Variants in SPTSSB observed in about 807,000 individuals in gnomAD.
SPTSSB encodes serine palmitoyltransferase small subunit B.
SPTSSB carries 6 observed loss-of-function variants against 7.7 expected under a neutral mutation model. The ratio of observed to expected loss-of-function variants is 0.78; its 90% CI spans 0.43 to 1.54. The LOEUF (loss-of-function observed/expected upper bound fraction) is 1.54. SPTSSB is among the 40% of genes most tolerant of loss of function. The pLI, the probability that SPTSSB is intolerant of heterozygous loss-of-function variation, is 0.01. For missense variants in SPTSSB, 91 were observed against 93.0 expected (o/e 0.98, Z 0.09); for synonymous variants, 28 against 29.7 (o/e 0.94, Z 0.19).
chr3:161,359,965 TAA>T (rs1714940424), intron 1 of SPTSSB, 71 bp from the exon 2 acceptor site: 1 of 184,486 alleles, frequency 5.4e-6, no homozygotes. Context: ...CTGTCCCATG[TAA>T]ATGGTCATTA....
intron 2 of SPTSSB, among the ~76,000 whole-genome samples, chr3:161,347,268 A>G (rs558296889): frequency 9.9e-4 from 150 of 151,950 alleles, no homozygotes; most frequent in African/African-American, 3.3e-3. Context: ...TTATTTATTT[A>G]TTTGTTTTTG....
chr3:161,368,346 A>T (rs1417441267), intron 1 of SPTSSB, among the ~76,000 whole-genome samples: 2 of 152,164 alleles, frequency 1.3e-5, no homozygotes, highest in East Asian at 3.8e-4. Context: ...CCATCATGAC[A>T]GTCAATTTTA....
At chr3:161,370,723 C>T (rs561671469) in intron 1 of SPTSSB, among the ~76,000 whole-genome samples, 1 of 152,212 alleles carries the variant, frequency 6.6e-6, no homozygotes, top group Admixed American at 6.5e-5. Flanking sequence ...GGACTGGGCT[C>T]ATATGTGAAT....
chr3:161,359,340 T>G (rs1005739578), intron 2 of SPTSSB: 1 of 152,254 alleles, frequency 6.6e-6, no homozygotes, highest in East Asian at 1.9e-4. Context: ...AAGGGTAAGA[T>G]GCTGCTCCAT....
Position 161,359,839 on chromosome 3 carries a change from T to G in SPTSSB, c.-70A>C. ...AGGTCTGGTTCTTCAGCCTTGCTCCTTCACGAAATGATCCTGTGTGGGTTA... is the reference window on the plus strand; with the variant it reads ...AGGTCTGGTTCTTCAGCCTTGCTCCGTCACGAAATGATCCTGTGTGGGTTA... On this transcript the variant is annotated 5_prime_UTR_variant, in exon 2 of 3. Transcript: ENST00000620149. 1 of 978,886 alleles carries G rather than the reference T, an allele frequency of 1.0e-6. No individual in the cohort carries two copies. The highest frequency in any genetic ancestry group is 1.1e-4 in the East Asian group (1 of 8,780). The allele number at this position is 978,886 out of a possible 1,614,324, so 60.6% of individuals were successfully genotyped here.
At position 161,345,767 on chromosome 3, in the gene SPTSSB, T is replaced by A. The variant is rs2108151002; in HGVS notation, c.*326A>T. The A allele has an allele frequency of 4.2e-6, 1 of 238,432 alleles. No homozygotes were observed. Among genetic ancestry groups the A allele is most frequent in the African/African-American group, 2.3e-5 (1 of 43,736 alleles). The allele number at this position is 238,432 out of a possible 1,614,324, so 14.8% of individuals were successfully genotyped here. A position where few individuals can be genotyped will look rare whatever the true frequency, so the allele number is the denominator to read the frequency against. ...ACTTTAAGCATGATTCTGGTAGGTC[T>A]GTTAGGAGTCTATTTTCCAGAAAAA... On this transcript the variant is annotated 3_prime_UTR_variant, in exon 3 of 3. Coordinates refer to ENST00000620149, the MANE Select transcript of SPTSSB (RefSeq NM_001040100.2).
chr3:161,352,430 C>T (rs1341320703), intron 2 of SPTSSB, among the ~76,000 whole-genome samples: 1 of 152,224 alleles, frequency 6.6e-6, no homozygotes, highest in African/African-American at 2.4e-5. Context: ...CAGAAGACCC[C>T]TCCCCTGCAA....
At chr3:161,362,157 A>T (rs935845952) in intron 1 of SPTSSB, among the ~76,000 whole-genome samples, 2 of 152,134 alleles carry the variant, frequency 1.3e-5, no homozygotes, top group African/African-American at 4.8e-5. Flanking sequence ...GGGCTCAGTT[A>T]TGTATGTTTC....
chr3:161,351,561 T>G (rs1714537192), intron 2 of SPTSSB, among the ~76,000 whole-genome samples: 1 of 152,100 alleles, frequency 6.6e-6, no homozygotes, highest in Non-Finnish European at 1.5e-5. Context: ...CATCTTACAT[T>G]GTGATCCATG....
chr3:161,349,897 C>T (rs1414362706), intron 2 of SPTSSB, among the ~76,000 whole-genome samples: 1 of 152,138 alleles, frequency 6.6e-6, no homozygotes, highest in Admixed American at 6.6e-5. Context: ...TGATTTCCCT[C>T]TCATTAGATT....
intron 2 of SPTSSB, among the ~76,000 whole-genome samples, chr3:161,348,754 T>G (rs1714382150): frequency 6.6e-6 from 1 of 152,188 alleles, no homozygotes; most frequent in Non-Finnish European, 1.5e-5. Flanking sequence ...AGAACTGACA[T>G]GTGAAAAGTG....
At chr3:161,356,281 G>GT (rs1212145228) in intron 2 of SPTSSB, among the ~76,000 whole-genome samples, 2 of 152,198 alleles carry the variant, frequency 1.3e-5, no homozygotes, top group Non-Finnish European at 2.9e-5. Context: ...CTTGCTTGAT[G>GT]TTTTTTCTAA....
intron 2 of SPTSSB, among the ~76,000 whole-genome samples, chr3:161,353,727 T>C (rs1714645875): frequency 6.6e-6 from 1 of 152,238 alleles, no homozygotes; most frequent in African/African-American, 2.4e-5. Context: ...CAAAACCTTA[T>C]ATTGCTTCTG....
intron 2 of SPTSSB, among the ~76,000 whole-genome samples, chr3:161,353,858 A>T (rs1055537711): frequency 1.1e-4 from 16 of 152,026 alleles, no homozygotes; most frequent in African/African-American, 3.9e-4. Context: ...TCCTTGTTTA[A>T]ACTTTTGGAG....
chr3:161,359,622 G>C, intron 2 of SPTSSB, 180 bp downstream of exon 2: 1 of 608,962 alleles, frequency 1.6e-6, no homozygotes, highest in Non-Finnish European at 2.1e-6. Context: ...CAAATTACTA[G>C]AGCTAATTGC....
intron 1 of SPTSSB, among the ~76,000 whole-genome samples, chr3:161,370,913 T>A (rs1715480636): frequency 6.6e-6 from 1 of 152,248 alleles, no homozygotes; most frequent in Admixed American, 6.5e-5. Context: ...ATGACTTAAG[T>A]ATCTTTGAGA....
chr3:161,362,921 C>G (rs12637186), intron 1 of SPTSSB, among the ~76,000 whole-genome samples: 3 of 151,862 alleles, frequency 2.0e-5, no homozygotes, highest in African/African-American at 7.2e-5. Context: ...AATAATAATA[C>G]GTACAAATGT....
intron 1 of SPTSSB, among the ~76,000 whole-genome samples, chr3:161,364,090 A>G (rs1467466793): frequency 6.6e-6 from 1 of 152,174 alleles, no homozygotes; most frequent in East Asian, 1.9e-4. Flanking sequence ...GTTTGTGTAG[A>G]TCCTGTGGCA....
chr3:161,345,679 G>A lies in SPTSSB; in HGVS notation c.*414C>T, dbSNP rs1714187310. 1 of 155,758 alleles carries A rather than the reference G, an allele frequency of 6.4e-6. No homozygotes were observed. The highest frequency in any genetic ancestry group is 2.4e-5 in the African/African-American group (1 of 41,448). The allele number at this position is 155,758 out of a possible 1,614,324, so 9.6% of individuals were successfully genotyped here. ...TCGTAAACAAGGATAGGATACTTCT[G>A]ACAGTAGCCTATAAAGATTTTTTAA... On this transcript the variant is annotated 3_prime_UTR_variant, in exon 3 of 3. Coordinates refer to ENST00000620149, the MANE Select transcript of SPTSSB (RefSeq NM_001040100.2).
Sources: gnomAD v4.1 joint callset for allele counts (sites outside exome capture counted in the v4.1 genomes callset) on GRCh38, gnomAD v4.1.1 for gene constraint, MANE v1.5 for transcripts, NCBI Gene and HGNC (gene_info 2026-07-23, HGNC 2026-07-21) for gene names.